The following LAMA2 variants were observed in gnomAD, a reference collection of about 807,000 sequenced individuals.
The protein encoded by LAMA2 is laminin subunit alpha 2, also known as laminin subunit alpha-2.
LAMA2 carries 269 observed loss-of-function variants against 364.8 expected under a neutral mutation model. The observed-to-expected ratio is 0.74, with a 90% CI of 0.67 to 0.82. LAMA2 has a LOEUF of 0.82. Ranked by LOEUF, LAMA2 falls within the 40% of genes least tolerant of loss-of-function variation. The pLI, the probability that LAMA2 is intolerant of heterozygous loss-of-function variation, is 0.00. For missense variants in LAMA2, 3,807 were observed against 3,873.2 expected, an observed-to-expected ratio of 0.98 and a Z score of 0.45; for synonymous variants, 1,379 against 1,370.6, an observed-to-expected ratio of 1.01 and a Z score of -0.14.
At chr6:129,116,699 C>G (rs1562252085) in intron 4 of LAMA2, among the ~76,000 whole-genome samples, 1 of 151,950 alleles carries the variant, frequency 6.6e-6, no homozygotes, top group African/African-American at 2.4e-5. Context: ...GCATTTTATA[C>G]ATTTATTTAT....
intron 2 of LAMA2, among the ~76,000 whole-genome samples, chr6:129,055,405 G>C (rs1053847065): frequency 6.6e-6 from 1 of 151,880 alleles, no homozygotes; most frequent in African/African-American, 2.4e-5. Flanking sequence ...TGTTGGCCAG[G>C]CTGGTCTTGA....
chr6:129,499,033 A>G (rs1785417485), intron 58 of LAMA2, among the ~76,000 whole-genome samples: 1 of 152,156 alleles, frequency 6.6e-6, no homozygotes, highest in East Asian at 1.9e-4. Flanking sequence ...ATTATTCCCA[A>G]CCACATCACT....
chr6:129,128,136 A>G (rs145873526), intron 4 of LAMA2, among the ~76,000 whole-genome samples: 2 of 152,290 alleles, frequency 1.3e-5, no homozygotes, highest in Admixed American at 1.3e-4. Flanking sequence ...TGCTGGCCTT[A>G]TACTTAAGGC....
At chr6:129,103,438 C>T (rs142473515) in intron 4 of LAMA2, among the ~76,000 whole-genome samples, 117 of 152,268 alleles carry the variant, frequency 7.7e-4, no homozygotes, top group African/African-American at 2.8e-3. Context: ...AGCATTGATA[C>T]ATTATTGTTA....
At chr6:129,066,297 G>A (rs894134356) in intron 3 of LAMA2, among the ~76,000 whole-genome samples, 4 of 151,298 alleles carry the variant, frequency 2.6e-5, no homozygotes, top group Non-Finnish European at 2.9e-5. Flanking sequence ...CGCCCGCCTC[G>A]GCCTCCCAAA....
At chr6:129,159,499 T>C (rs1779332907) in intron 8 of LAMA2, among the ~76,000 whole-genome samples, 1 of 152,202 alleles carries the variant, frequency 6.6e-6, no homozygotes, top group Non-Finnish European at 1.5e-5. Context: ...TCCTCATCGA[T>C]TCGGGAGCAC....
At chr6:129,119,171 A>G (rs1196228309) in intron 4 of LAMA2, among the ~76,000 whole-genome samples, 2 of 152,172 alleles carry the variant, frequency 1.3e-5, no homozygotes. Context: ...TTCTTGTTAT[A>G]TTACATAGTT....
chr6:128,991,553 C>T (rs1386875550), intron 1 of LAMA2, among the ~76,000 whole-genome samples: 2 of 152,130 alleles, frequency 1.3e-5, no homozygotes, highest in African/African-American at 4.8e-5. Context: ...AAGCAATCTG[C>T]TTTTCATACT....
chr6:128,951,809 T>TTTTA (rs1780838834), intron 1 of LAMA2, among the ~76,000 whole-genome samples: 1 of 152,194 alleles, frequency 6.6e-6, no homozygotes, highest in African/African-American at 2.4e-5. Context: ...TTTCTACCCT[T>TTTTA]TTTATTTATT....
At chr6:129,438,621 C>A (rs1236144276) in intron 41 of LAMA2, 25 bp from the exon 42 acceptor site, 2 of 1,150,062 alleles carry the variant, frequency 1.7e-6, no homozygotes, top group South Asian at 1.2e-5. Context: ...CTTATTTAAT[C>A]CTTTTTTTTG....
At chr6:129,161,669 G>A (rs1167632321) in intron 8 of LAMA2, among the ~76,000 whole-genome samples, 1 of 151,940 alleles carries the variant, frequency 6.6e-6, no homozygotes, top group Non-Finnish European at 1.5e-5. Context: ...CCCTTTTCAA[G>A]CAGGCCCTGG....
Position 129,516,172 on chromosome 6 carries a change from T to C in LAMA2, c.9212-18T>C, listed in dbSNP as rs2114947409. 1 of 1,614,040 alleles carries C rather than the reference T, an allele frequency of 6.2e-7. No individual in the cohort carries two copies. The highest frequency in any genetic ancestry group is 8.5e-7 in the Non-Finnish European group (1 of 1,179,884). ...CAGGACATTTCAAAGCTGAGCCCTC[T>C]TGCATTGCCTTTTTCAGATGACCTC... On this transcript the variant is annotated intron_variant, in intron 64 of 64. Transcript: ENST00000421865.
chr6:129,264,487 T>G (rs957376504), intron 15 of LAMA2, among the ~76,000 whole-genome samples: 1 of 152,042 alleles, frequency 6.6e-6, no homozygotes, highest in Non-Finnish European at 1.5e-5. Flanking sequence ...ATTCAGGTCT[T>G]AAATTCAGCA....
intron 37 of LAMA2, among the ~76,000 whole-genome samples, chr6:129,394,824 G>C (rs1170849930): frequency 6.6e-6 from 1 of 152,194 alleles, no homozygotes; most frequent in African/African-American, 2.4e-5. Context: ...TTTAAAACCA[G>C]AAGTCATCAT....
intron 4 of LAMA2, among the ~76,000 whole-genome samples, chr6:129,109,205 T>C (rs1326467852): frequency 2.6e-5 from 4 of 151,994 alleles, no homozygotes; most frequent in African/African-American, 4.8e-5. Flanking sequence ...ACAGAATCTG[T>C]TGATTCTGTG....
intron 62 of LAMA2, among the ~76,000 whole-genome samples, chr6:129,509,374 C>CTAT (rs1344885702): frequency 1.3e-5 from 2 of 152,114 alleles, no homozygotes; most frequent in African/African-American, 4.8e-5. Context: ...TCCCATTTGT[C>CTAT]TATTTTTACT....
chr6:129,491,805 G>T (rs752238889), intron 56 of LAMA2, 96 bp from the exon 57 acceptor site: 21 of 1,013,092 alleles, frequency 2.1e-5, no homozygotes, highest in Non-Finnish European at 2.9e-5. Context: ...TAAAAGCTAT[G>T]GTTGAGAGGG....
At chr6:129,224,914 C>G (rs923507765) in intron 12 of LAMA2, among the ~76,000 whole-genome samples, 6 of 152,198 alleles carry the variant, frequency 3.9e-5, no homozygotes, top group Middle Eastern at 3.4e-3. Flanking sequence ...AATGGTACCA[C>G]CTCCTCCTTG....
At chr6:129,165,975 A>G (rs971153581) in intron 9 of LAMA2, among the ~76,000 whole-genome samples, 2 of 152,158 alleles carry the variant, frequency 1.3e-5, no homozygotes, top group African/African-American at 2.4e-5. Context: ...TCTGTGGTAT[A>G]TGTAATTTTT....
Sources: gnomAD v4.1 joint callset for allele counts (sites outside exome capture counted in the v4.1 genomes callset) on GRCh38, gnomAD v4.1.1 for gene constraint, MANE v1.5 for transcripts, NCBI Gene and HGNC (gene_info 2026-07-23, HGNC 2026-07-21) for gene names.